SHANK2: variants seen among roughly 807,000 people sequenced by gnomAD.
SHANK2 encodes SH3 and multiple ankyrin repeat domains 2.
Under a neutral mutation model 133.7 loss-of-function variants are expected in SHANK2, and 43 were observed. The ratio of observed to expected loss-of-function variants is 0.32; its 90% CI spans 0.25 to 0.41. The LOEUF is 0.41. Among genes scored for constraint, SHANK2 ranks in the 10% least tolerant of loss-of-function variants. The pLI is 1.00. For synonymous variants in SHANK2, 1,017 were observed against 952.8 expected (o/e 1.07, Z -1.24); for missense variants, 1,994 against 2,235.8 (o/e 0.89, Z 2.18).
intron 11 of SHANK2, among the ~76,000 whole-genome samples, chr11:70,837,975 CAAAAAAA>C (rs55862093): frequency 1.1e-3 from 27 of 25,172 alleles, no homozygotes; most frequent in Admixed American, 2.5e-3. Context: ...CATTCTGTCT[CAAAAAAA>C]AAAAAAAAAA....
At chr11:71,182,751 C>T (rs1344677868) in intron 2 of SHANK2, among the ~76,000 whole-genome samples, 4 of 152,072 alleles carry the variant, frequency 2.6e-5, no homozygotes, top group Non-Finnish European at 4.4e-5. Flanking sequence ...TTATGGGGAG[C>T]GGGGATGCAA....
At chr11:70,476,051 A>G (rs1357001293) in intron 25 of SHANK2, among the ~76,000 whole-genome samples, 1 of 151,850 alleles carries the variant, frequency 6.6e-6, no homozygotes, top group African/African-American at 2.4e-5. Flanking sequence ...GTGAAACCCC[A>G]TCTCTACTAA....
At position 70,487,974 on chromosome 11, in the gene SHANK2, C is replaced by G. The variant is rs2058836331; in HGVS notation, c.2573-254G>C. Among the ~76,000 whole-genome samples the G allele has an allele frequency of 6.6e-6, 1 of 152,236 alleles. No individual in the cohort carries two copies. The highest frequency in any genetic ancestry group is 1.5e-5 in the Non-Finnish European group (1 of 68,050). On this transcript the variant is annotated intron_variant, in intron 24 of 25. Transcript: ENST00000601538. This position sits in a 1 kb window ranked among gnomAD's most constrained non-coding sequence, Gnocchi z 5.8. The stretch of plus-strand genomic sequence containing the variant: ...GCTGCTGCTGTGGGGCCTCCAGGCA[C>G]AGGCTGCAGCAGGGGAGCTGTGTGA...
chr11:70,727,837 C>T (rs759214450), intron 14 of SHANK2, among the ~76,000 whole-genome samples: 156 of 152,306 alleles, frequency 1.0e-3, no homozygotes, highest in Non-Finnish European at 1.9e-3. Context: ...TGGATGGGGG[C>T]CATGGGCTGT....
intron 15 of SHANK2, among the ~76,000 whole-genome samples, chr11:70,662,742 C>G (rs1555013825): frequency 6.6e-6 from 1 of 152,030 alleles, no homozygotes; most frequent in Non-Finnish European, 1.5e-5. Context: ...CTCTAGTGGC[C>G]ACAGTGTCCT....
intron 15 of SHANK2, among the ~76,000 whole-genome samples, chr11:70,671,007 G>A (rs922102803): frequency 6.6e-6 from 1 of 152,230 alleles, no homozygotes; most frequent in Non-Finnish European, 1.5e-5. Context: ...GCCCTGCCCG[G>A]CGCTTATTAT....
intron 17 of SHANK2, among the ~76,000 whole-genome samples, chr11:70,624,157 G>T (rs1166776980): frequency 6.6e-6 from 1 of 152,136 alleles, no homozygotes; most frequent in African/African-American, 2.4e-5. Context: ...CTCAGGAGGG[G>T]CTGAGGCCGG....
intron 17 of SHANK2, among the ~76,000 whole-genome samples, chr11:70,541,618 T>C (rs1246588922): frequency 1.3e-5 from 2 of 152,226 alleles, no homozygotes; most frequent in African/African-American, 4.8e-5. Flanking sequence ...AACTTGGCTC[T>C]GAGAGCCCGG....
At chr11:70,606,026 G>A (rs1441146417) in intron 17 of SHANK2, among the ~76,000 whole-genome samples, 1 of 152,120 alleles carries the variant, frequency 6.6e-6, no homozygotes, top group Non-Finnish European at 1.5e-5. Flanking sequence ...CCATCCGAGG[G>A]TCGGGCTCCC....
Position 70,487,395 on chromosome 11 carries a change from G to C in SHANK2, c.2898C>G (p.Leu966=). ...CTTGCGGGCCGGCATTCCGACTGTA[G>C]AGGTCTTCAGAGTCCAAGGAGTAGC... is the stretch of plus-strand genomic sequence containing the variant. The part of the protein sequence containing the change: ...LDRYSLDSED[L]YSRNAGPQAN... Residue 966 remains leucine, a synonymous_variant, in exon 25 of 26, where the codon CTC becomes CTG. Coordinates refer to ENST00000601538, the MANE Select transcript of SHANK2 (RefSeq NM_012309.5). This position sits in a 1 kb window ranked among gnomAD's most constrained non-coding sequence, Gnocchi z 5.8. 1 of 1,614,134 alleles carries C rather than the reference G, an allele frequency of 6.2e-7. No individual in the cohort carries two copies. Among genetic ancestry groups the C allele is most frequent in the Non-Finnish European group, 8.5e-7 (1 of 1,180,036 alleles).
intron 14 of SHANK2, among the ~76,000 whole-genome samples, chr11:70,775,437 C>T (rs1364167983): frequency 6.6e-6 from 1 of 152,190 alleles, no homozygotes; most frequent in Non-Finnish European, 1.5e-5. Context: ...GCCTGGGTGA[C>T]AGAATGAGAC....
chr11:71,092,300 G>C, intron 8 of SHANK2, 122 bp downstream of exon 8: 1 of 1,032,236 alleles, frequency 9.7e-7, no homozygotes, highest in Non-Finnish European at 1.5e-6. Context: ...ACTCTGGGCA[G>C]GCCAAACAAA....
Position 70,830,809 on chromosome 11 carries a change from A to G in SHANK2, c.1175-10127T>C, listed in dbSNP as rs1469598475. Among the ~76,000 whole-genome samples, 1 of 152,214 alleles carries G rather than the reference A, an allele frequency of 6.6e-6. No homozygotes were observed. The highest frequency in any genetic ancestry group is 1.5e-5 in the Non-Finnish European group (1 of 68,042). On this transcript the variant is annotated intron_variant, in intron 11 of 25. Coordinates refer to ENST00000601538, the MANE Select transcript of SHANK2 (RefSeq NM_012309.5). This position sits in a 1 kb window ranked among gnomAD's most constrained non-coding sequence, Gnocchi z 4.4. ...GTCAGATGAGACAGACGAGGTTCAG[A>G]GAGGCTGAGCGCTAAGCTGCCCAGG...
intron 10 of SHANK2, among the ~76,000 whole-genome samples, chr11:70,949,669 C>T (rs1555086103): frequency 1.3e-5 from 2 of 152,206 alleles, no homozygotes; most frequent in Non-Finnish European, 2.9e-5. Flanking sequence ...CTCCTCCTGC[C>T]ATGGAAGGAA....
At chr11:70,765,433 G>C (rs1947097989) in intron 14 of SHANK2, among the ~76,000 whole-genome samples, 1 of 152,198 alleles carries the variant, frequency 6.6e-6, no homozygotes, top group East Asian at 1.9e-4. Flanking sequence ...GACCACCTCT[G>C]AATGGCATGG....
chr11:70,946,183 TC>T (rs1555085356), intron 10 of SHANK2, among the ~76,000 whole-genome samples: 1 of 148,144 alleles, frequency 6.8e-6, no homozygotes, highest in Non-Finnish European at 1.5e-5. Context: ...AACCAACCCT[TC>T]CCAGGCTCAA....
intron 11 of SHANK2, among the ~76,000 whole-genome samples, chr11:70,865,978 C>T (rs1389423708): frequency 1.3e-5 from 2 of 152,178 alleles, no homozygotes; most frequent in Admixed American, 6.5e-5. Flanking sequence ...GCACTGCTCC[C>T]CTGGGCCCTC....
intron 14 of SHANK2, among the ~76,000 whole-genome samples, chr11:70,718,736 T>C (rs1431274326): frequency 1.4e-5 from 2 of 140,794 alleles, no homozygotes. Flanking sequence ...TGAATGTCCA[T>C]CATGGCCCGG....
At chr11:70,911,187 C>T in intron 10 of SHANK2, 1 of 456,572 alleles carries the variant, frequency 2.2e-6, no homozygotes, top group Middle Eastern at 3.3e-4. Flanking sequence ...AGGCCTTAAG[C>T]ACAGAGTTGG....
Sources: gnomAD v4.1 joint callset for allele counts (sites outside exome capture counted in the v4.1 genomes callset) on GRCh38, gnomAD v4.1.1 for gene constraint, Gnocchi (gnomAD v3.1) non-coding constraint, MANE v1.5 for transcripts, NCBI Gene and HGNC (gene_info 2026-07-23, HGNC 2026-07-21) for gene names.